The following KIAA1217 variants were observed in gnomAD, a reference collection of about 807,000 sequenced individuals.
KIAA1217 encodes KIAA1217, also known as sickle tail protein homolog.
A neutral mutation model predicts 163.9 loss-of-function variants in KIAA1217; 88 were observed. The observed-to-expected ratio is 0.54, with a 90% CI of 0.45 to 0.64. KIAA1217 has a LOEUF of 0.64. Ranked by LOEUF, KIAA1217 falls within the 30% of genes least tolerant of loss-of-function variation. The pLI is 0.00. For missense variants in KIAA1217, 2,372 were observed against 2,475.0 expected (o/e 0.96, Z 0.88); for synonymous variants, 903 against 923.1 (o/e 0.98, Z 0.39).
intron 1 of KIAA1217, among the ~76,000 whole-genome samples, chr10:23,807,929 C>T (rs1303606148): frequency 6.6e-6 from 1 of 152,140 alleles, no homozygotes; most frequent in Non-Finnish European, 1.5e-5. Context: ...GCTACAGGCA[C>T]CAAGCCAGGA....
At chr10:24,531,030 T>TA (rs34814705) in intron 14 of KIAA1217, among the ~76,000 whole-genome samples, 2,633 of 145,472 alleles carry the variant, frequency 0.018, 33 homozygotes, top group Middle Eastern at 0.043. Flanking sequence ...ACCCCGCCTG[T>TA]AAAAAAAAAA....
rs1347545052 is a variant in KIAA1217, at chr10:24,117,048, GT to G, written c.-170-102577del. On this transcript the variant is annotated intron_variant, in intron 2 of 18. Coordinates refer to the KIAA1217 transcript ENST00000376462. ...ACTCCAAATAGTGTTTTTTTTTTGG[GT>G]GGGGGGGGATGGAGTTTTGCTCTTG... 1.4e-3 allele frequency among the ~76,000 whole-genome samples: 214 copies of G among 147,690 alleles called. 1 individual carries two copies. Among genetic ancestry groups the G allele is most frequent in the Middle Eastern group, 0.014 (4 of 286 alleles).
chr10:24,420,702 TG>T (rs1298941671), intron 3 of KIAA1217, among the ~76,000 whole-genome samples: 1 of 152,222 alleles, frequency 6.6e-6, no homozygotes, highest in African/African-American at 2.4e-5. Context: ...CTTTTACTTA[TG>T]GTGTAAGAAA....
intron 2 of KIAA1217, among the ~76,000 whole-genome samples, chr10:24,300,000 A>G (rs1703588691): frequency 6.6e-6 from 1 of 152,188 alleles, no homozygotes; most frequent in Admixed American, 6.5e-5. Flanking sequence ...CAAGAGATAT[A>G]GCTTCACCCG....
At chr10:23,839,552 T>C (rs1288983098) in intron 1 of KIAA1217, among the ~76,000 whole-genome samples, 3 of 152,190 alleles carry the variant, frequency 2.0e-5, no homozygotes, top group Non-Finnish European at 2.9e-5. Context: ...ACAGATCCTT[T>C]TCTATTTCCT....
At chr10:24,049,030 CAAAAAAAAAAAAAA>C (rs59235039) in intron 2 of KIAA1217, among the ~76,000 whole-genome samples, 1 of 86,190 alleles carries the variant, frequency 1.2e-5, no homozygotes, top group South Asian at 4.3e-4. Context: ...TACTCTGTCT[CAAAAAAAAAAAAAA>C]AAAAAAAAAA....
Position 23,748,760 on chromosome 10 carries a change from A to T in KIAA1217, c.-321+53526A>T, listed in dbSNP as rs560631919. ...TCTTATCCACGGTCCTGTGAGGTTC[A>T]TGCTGTCTGGTTATAAAACCCACTA... On this transcript the variant is annotated intron_variant, in intron 1 of 18. Transcript: ENST00000376462. 2.0e-3 allele frequency among the ~76,000 whole-genome samples: 306 copies of T among 152,188 alleles called. 3 individuals carry two copies. The highest frequency in any genetic ancestry group is 7.1e-3 in the African/African-American group (296 of 41,518).
chr10:23,944,307 C>G (rs1589122958), intron 1 of KIAA1217, among the ~76,000 whole-genome samples: 1 of 152,120 alleles, frequency 6.6e-6, no homozygotes, highest in East Asian at 1.9e-4. Context: ...CACCTGTATT[C>G]CCAGCTATTT....
chr10:24,540,061 C>A (rs990826501), intron 17 of KIAA1217, among the ~76,000 whole-genome samples: 1 of 152,162 alleles, frequency 6.6e-6, no homozygotes, highest in Non-Finnish European at 1.5e-5. Context: ...ACAATTATGA[C>A]CAAGCTCCTG....
intron 14 of KIAA1217, among the ~76,000 whole-genome samples, chr10:24,529,862 A>G (rs1358966040): frequency 2.8e-5 from 4 of 142,600 alleles, no homozygotes; most frequent in African/African-American, 1.1e-4. Flanking sequence ...TAGTGGCATG[A>G]TCTTGGCTCC....
chr10:24,337,981 T>C (rs1325123298), intron 2 of KIAA1217, among the ~76,000 whole-genome samples: 1 of 152,182 alleles, frequency 6.6e-6, no homozygotes, highest in Non-Finnish European at 1.5e-5. Flanking sequence ...CTAGTCATTT[T>C]GCCAGTTTCA....
intron 1 of KIAA1217, among the ~76,000 whole-genome samples, chr10:23,851,035 T>A (rs1033501750): frequency 8.5e-5 from 13 of 152,048 alleles, no homozygotes; most frequent in Non-Finnish European, 1.9e-4. Flanking sequence ...TATTATACTT[T>A]AAGTTTTAGG....
intron 1 of KIAA1217, among the ~76,000 whole-genome samples, chr10:23,838,426 G>T (rs1838597898): frequency 6.6e-6 from 1 of 151,998 alleles, no homozygotes; most frequent in Admixed American, 6.6e-5. Flanking sequence ...TGGCTAGGGA[G>T]ATAACAGACT....
Position 24,139,257 on chromosome 10 carries a change from G to C in KIAA1217, c.-170-80369G>C, listed in dbSNP as rs564424629. On this transcript the variant is annotated intron_variant, in intron 2 of 18. Transcript: ENST00000376462. The stretch of plus-strand genomic sequence containing the variant: ...TTTTAATATATATATTTGGAATTTG[G>C]TTTAGGTATATGCTATAACATATAA... Among the ~76,000 whole-genome samples the C allele has an allele frequency of 1.1e-3, 165 of 151,936 alleles. 1 individual carries two copies. Among genetic ancestry groups the C allele is most frequent in the African/African-American group, 3.9e-3 (160 of 41,452 alleles).
chr10:24,468,469 C>G (rs951436572), intron 5 of KIAA1217, among the ~76,000 whole-genome samples: 1 of 152,220 alleles, frequency 6.6e-6, no homozygotes, highest in Non-Finnish European at 1.5e-5. Flanking sequence ...TCTGCCAAGA[C>G]TTCCAACATC....
chr10:23,907,264 T>C (rs1471546975), intron 1 of KIAA1217, among the ~76,000 whole-genome samples: 2 of 151,220 alleles, frequency 1.3e-5, no homozygotes, highest in Admixed American at 6.7e-5. Flanking sequence ...TTAGTCAGGG[T>C]TCTGCAGAGA....
At chr10:24,367,916 C>T (rs185400865) in intron 2 of KIAA1217, among the ~76,000 whole-genome samples, 179 of 152,280 alleles carry the variant, frequency 1.2e-3, no homozygotes, top group African/African-American at 4.1e-3. Flanking sequence ...AGGAAATGTT[C>T]GGCCATCTGG....
At chr10:24,414,832 C>T (rs1323916855) in intron 3 of KIAA1217, among the ~76,000 whole-genome samples, 3 of 152,194 alleles carry the variant, frequency 2.0e-5, no homozygotes, top group Non-Finnish European at 4.4e-5. Context: ...TCTTAAAAGG[C>T]AGCGCCAGAA....
chr10:24,389,318 A>G (rs1206455127), intron 3 of KIAA1217, among the ~76,000 whole-genome samples: 1 of 151,854 alleles, frequency 6.6e-6, no homozygotes, highest in Non-Finnish European at 1.5e-5. Context: ...ACCAAACACC[A>G]CATGTTCTCA....
Sources: gnomAD v4.1 joint callset for allele counts (sites outside exome capture counted in the v4.1 genomes callset) on GRCh38, gnomAD v4.1.1 for gene constraint, MANE v1.5 for transcripts, NCBI Gene and HGNC (gene_info 2026-07-23, HGNC 2026-07-21) for gene names.